CCDC171: variants seen among roughly 807,000 people sequenced by gnomAD.
CCDC171 encodes coiled-coil domain-containing protein 171.
Under a neutral mutation model 168.2 loss-of-function variants are expected in CCDC171, and 177 were observed. The ratio of observed to expected loss-of-function variants is 1.05; its 90% confidence interval spans 0.93 to 1.19. The LOEUF (loss-of-function observed/expected upper bound fraction) is 1.19. Ranked by LOEUF, CCDC171 falls within the 50% of genes most tolerant of loss-of-function variation. The pLI, the probability that CCDC171 is intolerant of heterozygous loss-of-function variation, is 0.00. For missense variants in CCDC171, 1,991 were observed against 1,539.0 expected, an observed-to-expected ratio of 1.29 and a Z score of -4.91; for synonymous variants, 687 against 540.8, an observed-to-expected ratio of 1.27 and a Z score of -3.75.
intron 16 of CCDC171, among the ~76,000 whole-genome samples, chr9:15,735,309 G>A (rs1049902584): frequency 3.3e-5 from 5 of 152,094 alleles, no homozygotes; most frequent in Non-Finnish European, 7.4e-5. Context: ...AAAGTATCTG[G>A]GCCCAGTGCC....
the CCDC171 span, among the ~76,000 whole-genome samples, chr9:16,069,466 C>T: frequency 3.9e-5 from 6 of 152,120 alleles, no homozygotes; most frequent in Admixed American, 2.0e-4. Context: ...ACGAAGAAGG[C>T]GCCAGCGTGC....
At chr9:15,859,312 A>G (rs1230505320) in intron 23 of CCDC171, among the ~76,000 whole-genome samples, 2 of 151,532 alleles carry the variant, frequency 1.3e-5, no homozygotes, top group Non-Finnish European at 2.9e-5. Context: ...GGATTTTTAG[A>G]TCTATATTCA....
chr9:15,871,442 A>G (rs1228526289), intron 23 of CCDC171, among the ~76,000 whole-genome samples: 1 of 151,298 alleles, frequency 6.6e-6, no homozygotes, highest in Non-Finnish European at 1.5e-5. Flanking sequence ...AATTCACACT[A>G]AACTCAGTAC....
chr9:15,785,937 T>C (rs1468929492), intron 21 of CCDC171, among the ~76,000 whole-genome samples: 3 of 152,040 alleles, frequency 2.0e-5, no homozygotes, highest in African/African-American at 4.8e-5. Flanking sequence ...TTGCCCAGGG[T>C]ATCCTGTAAA....
At chr9:16,054,977 G>T (rs1025800107) in intron 1 of CCDC171, among the ~76,000 whole-genome samples, 2 of 152,224 alleles carry the variant, frequency 1.3e-5, no homozygotes, top group South Asian at 4.1e-4. Flanking sequence ...GGCAAGGGTG[G>T]ATGCAGAGAG....
intron 24 of CCDC171, among the ~76,000 whole-genome samples, chr9:15,905,797 G>T: frequency 6.6e-6 from 1 of 152,260 alleles, no homozygotes; most frequent in South Asian, 2.1e-4. Context: ...AAGAAGAAAA[G>T]AGAGAAGAAT....
chr9:15,943,188 A>G (rs1423807413), intron 25 of CCDC171, among the ~76,000 whole-genome samples: 1 of 152,028 alleles, frequency 6.6e-6, no homozygotes, highest in Non-Finnish European at 1.5e-5. Context: ...TGATATATTT[A>G]ATTCAGTGAT....
rs2053936198 is a variant in CCDC171, at chr9:15,728,188, C to G, written c.1860+152C>G. 1.4e-5 allele frequency: 9 copies of G among 629,130 alleles called. No individual in the cohort carries two copies. The South Asian group carries it at 2.0e-4, about 14-fold the overall frequency. 39.0% of individuals were successfully genotyped at this position (629,130 alleles called of 1,614,324 possible). Reference sequence around the variant, plus strand: ...CATTAATTATGGCTTGTCTACAACTCAGTTTGATGCCATTGCTGTGGGCAT... The same window carrying G: ...CATTAATTATGGCTTGTCTACAACTGAGTTTGATGCCATTGCTGTGGGCAT... On this transcript the variant is annotated intron_variant, in intron 15 of 25. Coordinates refer to ENST00000380701, the MANE Select transcript of CCDC171 (RefSeq NM_173550.4).
the CCDC171 span, among the ~76,000 whole-genome samples, chr9:16,086,840 T>C: frequency 3.9e-5 from 6 of 152,212 alleles, no homozygotes; most frequent in Non-Finnish European, 5.9e-5. Flanking sequence ...TGATAATAGT[T>C]CTTTCCTGCT....
chr9:15,992,555 A>T (rs1832236085), intron 3 of CCDC171, among the ~76,000 whole-genome samples: 1 of 152,184 alleles, frequency 6.6e-6, no homozygotes, highest in Admixed American at 6.5e-5. Context: ...GCCCTCTCTC[A>T]CCACTCCTAT....
intron 25 of CCDC171, among the ~76,000 whole-genome samples, chr9:15,928,716 A>G (rs1057371561): frequency 6.6e-6 from 1 of 151,628 alleles, no homozygotes; most frequent in African/African-American, 2.4e-5. Context: ...TGGCTTTTGG[A>G]TACTAATAGA....
chr9:15,786,840 C>T (rs2057985429), intron 21 of CCDC171, among the ~76,000 whole-genome samples: 1 of 152,154 alleles, frequency 6.6e-6, no homozygotes, highest in African/African-American at 2.4e-5. Flanking sequence ...GATCTCCCCA[C>T]CATGCACCTT....
At chr9:16,083,827 G>T in the CCDC171 span, among the ~76,000 whole-genome samples, 1 of 152,118 alleles carries the variant, frequency 6.6e-6, no homozygotes, top group Non-Finnish European at 1.5e-5. Context: ...ATATCTCCTG[G>T]AATTCCCTCT....
At chr9:15,841,461 TCTAA>T (rs1044789532) in intron 21 of CCDC171, among the ~76,000 whole-genome samples, 6 of 152,018 alleles carry the variant, frequency 3.9e-5, no homozygotes, top group African/African-American at 7.2e-5. Flanking sequence ...ACATGTGAGT[TCTAA>T]CTAAGACTGC....
chr9:15,603,538 G>T (rs1429594594), intron 6 of CCDC171, among the ~76,000 whole-genome samples: 1 of 152,118 alleles, frequency 6.6e-6, no homozygotes, highest in African/African-American at 2.4e-5. Flanking sequence ...GTTTGCTGAG[G>T]ATAATGGCTT....
chr9:15,849,377 A>G (rs528733196), intron 23 of CCDC171, among the ~76,000 whole-genome samples: 1 of 151,370 alleles, frequency 6.6e-6, no homozygotes, highest in Non-Finnish European at 1.5e-5. Flanking sequence ...TAAACTAGGT[A>G]GTAATGTTAT....
At chr9:15,560,347 G>C (rs921033789) in intron 1 of CCDC171, among the ~76,000 whole-genome samples, 1 of 152,094 alleles carries the variant, frequency 6.6e-6, no homozygotes, top group African/African-American at 2.4e-5. Context: ...CATTCTCCCC[G>C]TCACTTTCAG....
At chr9:15,595,279 C>T (rs1332386347) in intron 6 of CCDC171, among the ~76,000 whole-genome samples, 1 of 152,048 alleles carries the variant, frequency 6.6e-6, no homozygotes, top group African/African-American at 2.4e-5. Context: ...GGTATATATC[C>T]TAATGCTATC....
intron 24 of CCDC171, among the ~76,000 whole-genome samples, chr9:15,907,916 A>C (rs959958946): frequency 6.6e-6 from 1 of 152,230 alleles, no homozygotes; most frequent in African/African-American, 2.4e-5. Context: ...GCTCATCATC[A>C]CTGGCCATCA....
Sources: gnomAD v4.1 joint callset for allele counts (sites outside exome capture counted in the v4.1 genomes callset) on GRCh38, gnomAD v4.1.1 for gene constraint, MANE v1.5 for transcripts, NCBI Gene and HGNC (gene_info 2026-07-23, HGNC 2026-07-21) for gene names.